Variants in TMEM132D observed in about 807,000 individuals in gnomAD.
The protein encoded by TMEM132D is transmembrane protein 132D.
Under a neutral mutation model 62.3 loss-of-function variants are expected in TMEM132D, and 21 were observed. That is an observed-to-expected ratio of 0.34 (90% CI 0.24 to 0.49). The LOEUF (loss-of-function observed/expected upper bound fraction) is 0.49. Ranked by LOEUF, TMEM132D falls within the 20% of genes least tolerant of loss-of-function variation. The probability of loss-of-function intolerance (pLI) is 0.99; values close to 1 mark genes in which losing one functional copy is unlikely to be tolerated. For synonymous variants in TMEM132D, 621 were observed against 575.6 expected (o/e 1.08, Z -1.13); for missense variants, 1,346 against 1,402.8 (o/e 0.96, Z 0.65).
chr12:129,538,991 G>A (rs867582184), intron 2 of TMEM132D, among the ~76,000 whole-genome samples: 19 of 149,700 alleles, frequency 1.3e-4, no homozygotes, highest in Non-Finnish European at 2.1e-4. Context: ...GACCCCTGGC[G>A]ATAGGTCAGA....
chr12:129,159,231 T>C (rs1458732443), intron 5 of TMEM132D, among the ~76,000 whole-genome samples: 3 of 152,142 alleles, frequency 2.0e-5, no homozygotes, highest in Admixed American at 6.5e-5. Flanking sequence ...CAGTGATAAA[T>C]AGAGTGCACT....
chr12:129,847,630 C>A (rs1873403476), intron 1 of TMEM132D, among the ~76,000 whole-genome samples: 1 of 152,038 alleles, frequency 6.6e-6, no homozygotes, highest in Admixed American at 6.5e-5. Context: ...AGTACAGATA[C>A]CTGACACTCC....
chr12:129,715,659 G>A (rs974637847), intron 1 of TMEM132D, among the ~76,000 whole-genome samples: 9 of 152,158 alleles, frequency 5.9e-5, no homozygotes, highest in Non-Finnish European at 1.3e-4. Flanking sequence ...GTGCCTCTTC[G>A]ACTTCTCCTT....
intron 2 of TMEM132D, among the ~76,000 whole-genome samples, chr12:129,575,119 T>C (rs531897856): frequency 3.3e-5 from 5 of 151,946 alleles, no homozygotes; most frequent in African/African-American, 1.2e-4. Context: ...TAGTGGAATG[T>C]AGGCCCTCAA....
chr12:129,370,112 C>G (rs1870548675), intron 3 of TMEM132D, among the ~76,000 whole-genome samples: 1 of 152,212 alleles, frequency 6.6e-6, no homozygotes, highest in Non-Finnish European at 1.5e-5. Context: ...AGTCACAAAT[C>G]TAGTTCTCAA....
At chr12:129,694,642 G>A (rs1220322446) in intron 2 of TMEM132D, among the ~76,000 whole-genome samples, 1 of 152,194 alleles carries the variant, frequency 6.6e-6, no homozygotes, top group Non-Finnish European at 1.5e-5. Context: ...GGCAAACACT[G>A]AGCTGTAACC....
intron 3 of TMEM132D, among the ~76,000 whole-genome samples, chr12:129,486,389 A>G (rs1874580056): frequency 6.6e-6 from 1 of 152,084 alleles, no homozygotes; most frequent in Non-Finnish European, 1.5e-5. Flanking sequence ...AGACCCGGTT[A>G]TGTACTTGCC....
At chr12:129,677,430 G>GTTGTA (rs1880657917) in intron 2 of TMEM132D, among the ~76,000 whole-genome samples, 1 of 152,130 alleles carries the variant, frequency 6.6e-6, no homozygotes, top group South Asian at 2.1e-4. Flanking sequence ...CTTCTAAATT[G>GTTGTA]CCTAGTCTCA....
rs1042331774 is a variant in TMEM132D at position 129,801,022 on chromosome 12, G to A, written c.80-100324C>T. 3.9e-5 allele frequency among the ~76,000 whole-genome samples: 6 copies of A among 152,178 alleles called. No homozygotes were observed. In the South Asian group the frequency reaches 1.0e-3, roughly 26 times the overall value. On this transcript the variant is annotated intron_variant, in intron 1 of 8. Coordinates refer to ENST00000422113, the MANE Select transcript of TMEM132D (RefSeq NM_133448.3). ...GCTTTTCTGACGGGCTTAAAAAATG[G>A]CGCACCAGGAGATTATATCCCGCAC...
chr12:129,688,408 C>A (rs1223501824), intron 2 of TMEM132D, among the ~76,000 whole-genome samples: 2 of 152,162 alleles, frequency 1.3e-5, no homozygotes, highest in Non-Finnish European at 2.9e-5. Context: ...TCACCCCAGA[C>A]CAATGTTGGG....
At chr12:129,155,403 A>G (rs1175470938) in intron 5 of TMEM132D, among the ~76,000 whole-genome samples, 1 of 152,234 alleles carries the variant, frequency 6.6e-6, no homozygotes, top group Admixed American at 6.5e-5. Context: ...CTAGAGAGGT[A>G]CTTTTTTTGA....
At chr12:129,327,755 G>A (rs1203883048) in intron 4 of TMEM132D, among the ~76,000 whole-genome samples, 2 of 152,060 alleles carry the variant, frequency 1.3e-5, no homozygotes, top group African/African-American at 4.8e-5. Context: ...GCCCCCAAAT[G>A]GTCTTTCTAT....
chr12:129,476,802 A>G (rs1874273018), intron 3 of TMEM132D, among the ~76,000 whole-genome samples: 1 of 152,222 alleles, frequency 6.6e-6, no homozygotes, highest in South Asian at 2.1e-4. Flanking sequence ...CAAAGTAAGC[A>G]AAGCTTAATC....
At chr12:129,768,668 G>C (rs1210552580) in intron 1 of TMEM132D, among the ~76,000 whole-genome samples, 1 of 152,096 alleles carries the variant, frequency 6.6e-6, no homozygotes, top group Non-Finnish European at 1.5e-5. Context: ...CATGAAAGAT[G>C]GTAGAGGCGA....
At chr12:129,704,219 G>T (rs1030150169) in intron 1 of TMEM132D, among the ~76,000 whole-genome samples, 1 of 152,200 alleles carries the variant, frequency 6.6e-6, no homozygotes, top group Non-Finnish European at 1.5e-5. Flanking sequence ...TCCTCAGCAT[G>T]GTATTGTCAT....
chr12:129,877,653 A>C (rs7970000), intron 1 of TMEM132D, among the ~76,000 whole-genome samples: 106,406 of 150,146 alleles, frequency 0.71, 39,571 homozygotes, highest in East Asian at 0.93. Context: ...AGAGAGAGAG[A>C]GCGCTATAAG....
chr12:129,804,584 A>G (rs1404972163), intron 1 of TMEM132D, among the ~76,000 whole-genome samples: 3 of 145,478 alleles, frequency 2.1e-5, no homozygotes, highest in African/African-American at 7.7e-5. Flanking sequence ...AGCCAATATC[A>G]TACTGAATGG....
chr12:129,786,813 C>G (rs947195937), intron 1 of TMEM132D, among the ~76,000 whole-genome samples: 1 of 152,142 alleles, frequency 6.6e-6, no homozygotes, highest in East Asian at 1.9e-4. Context: ...ATCGCTTGAA[C>G]CCGGGAGGTG....
intron 1 of TMEM132D, among the ~76,000 whole-genome samples, chr12:129,824,071 G>A (rs1433525497): frequency 1.3e-5 from 2 of 152,152 alleles, no homozygotes; most frequent in Non-Finnish European, 2.9e-5. Flanking sequence ...TGAGACAGCT[G>A]AGGCACAGAG....
Sources: gnomAD v4.1 joint callset for allele counts (sites outside exome capture counted in the v4.1 genomes callset) on GRCh38, gnomAD v4.1.1 for gene constraint, MANE v1.5 for transcripts, NCBI Gene and HGNC (gene_info 2026-07-23, HGNC 2026-07-21) for gene names.